Variants in CMSS1 observed in about 807,000 individuals in gnomAD.
CMSS1 encodes cms1 ribosomal small subunit homolog.
CMSS1 carries 33 observed loss-of-function variants against 43.5 expected under a neutral mutation model. The observed-to-expected ratio is 0.76, with a 90% CI of 0.57 to 1.01. The LOEUF (loss-of-function observed/expected upper bound fraction) is 1.01, where lower values mean the gene tolerates loss of function less well. Among genes scored for constraint, CMSS1 ranks in the 50% least tolerant of loss-of-function variants. CMSS1 has a pLI of 0.00. For synonymous variants in CMSS1, 115 were observed against 117.2 expected (o/e 0.98, Z 0.12); for missense variants, 313 against 326.4 (o/e 0.96, Z 0.32).
At chr3:100,170,080 A>G (rs368615955) in intron 6 of CMSS1, among the ~76,000 whole-genome samples, 1 of 152,324 alleles carries the variant, frequency 6.6e-6, no homozygotes. Flanking sequence ...TAATAATTCT[A>G]ACTTTTATAA....
intron 1 of CMSS1, among the ~76,000 whole-genome samples, chr3:99,879,779 CTG>C (rs748486395): frequency 1.3e-5 from 2 of 152,158 alleles, no homozygotes; most frequent in Non-Finnish European, 2.9e-5. Context: ...TATGGAAACA[CTG>C]TCATGTACAA....
intron 1 of CMSS1, among the ~76,000 whole-genome samples, chr3:99,873,842 C>T (rs1244986025): frequency 6.6e-6 from 1 of 152,150 alleles, no homozygotes; most frequent in Non-Finnish European, 1.5e-5. Flanking sequence ...ACAAAAATAC[C>T]AGGGCTTAAC....
intron 1 of CMSS1, among the ~76,000 whole-genome samples, chr3:99,859,877 G>C (rs1011437124): frequency 1.3e-5 from 2 of 152,134 alleles, no homozygotes; most frequent in African/African-American, 4.8e-5. Flanking sequence ...CATAAAAATA[G>C]CTGTGACCCG....
In CMSS1 at chr3:99,848,444, C is replaced by T. The variant is rs763895478; in HGVS notation, c.64+30401C>T. On this transcript the variant is annotated intron_variant, in intron 1 of 9. Coordinates refer to ENST00000421999, the MANE Select transcript of CMSS1 (RefSeq NM_032359.4). ...GGTGCTGAAGGGCTGGCAGGTCTCACAGGGCTGGCTACAGCTTGCATGTAA... is the reference window on the plus strand; with the variant it reads ...GGTGCTGAAGGGCTGGCAGGTCTCATAGGGCTGGCTACAGCTTGCATGTAA... 6.2e-7 allele frequency: 1 copy of T among 1,614,056 alleles called. No homozygotes were observed. The highest frequency in any genetic ancestry group is 8.5e-7 in the Non-Finnish European group (1 of 1,180,016).
intron 1 of CMSS1, among the ~76,000 whole-genome samples, chr3:99,918,195 C>G (rs1707013944): frequency 6.6e-6 from 1 of 152,068 alleles, no homozygotes; most frequent in Non-Finnish European, 1.5e-5. Flanking sequence ...CCAGGCTGGT[C>G]TCGAACCCTT....
Position 100,082,812 on chromosome 3 carries a change from A to G in CMSS1, c.65-64161A>G, listed in dbSNP as rs116008789. On this transcript the variant is annotated intron_variant, in intron 1 of 9. Transcript: ENST00000421999. ...CTGTTTTTCAGCATGGTAGTCATAG[A>G]CTTACCTTCGTTGACTTAAGACACC... 3.6e-3 allele frequency among the ~76,000 whole-genome samples: 549 copies of G among 152,278 alleles called. 2 individuals carry two copies. Among genetic ancestry groups the G allele is most frequent in the African/African-American group, 0.013 (535 of 41,548 alleles).
chr3:99,947,409 ACCATTCTCC>A (rs1349674631), intron 1 of CMSS1, among the ~76,000 whole-genome samples: 1 of 152,114 alleles, frequency 6.6e-6, no homozygotes, highest in African/African-American at 2.4e-5. Context: ...TATTTATGTA[ACCATTCTCC>A]TATTATTGGA....
intron 1 of CMSS1, among the ~76,000 whole-genome samples, chr3:99,927,750 A>G (rs1026052602): frequency 3.9e-5 from 6 of 152,316 alleles, no homozygotes; most frequent in South Asian, 4.2e-4. Flanking sequence ...GTTCTGATAT[A>G]GAACCCTAGG....
intron 1 of CMSS1, among the ~76,000 whole-genome samples, chr3:99,869,695 CT>C (rs1944694195): frequency 6.6e-6 from 1 of 152,202 alleles, no homozygotes; most frequent in Non-Finnish European, 1.5e-5. Context: ...ACACTTAAGT[CT>C]TGCGAGCCCA....
chr3:100,038,809 A>G (rs932355707), intron 1 of CMSS1, among the ~76,000 whole-genome samples: 1 of 152,108 alleles, frequency 6.6e-6, no homozygotes, highest in Non-Finnish European at 1.5e-5. Flanking sequence ...GCTGCTCCTT[A>G]TGTACTGATA....
chr3:100,004,278 A>C (rs1355849585), intron 1 of CMSS1, among the ~76,000 whole-genome samples: 1 of 152,208 alleles, frequency 6.6e-6, no homozygotes, highest in African/African-American at 2.4e-5. Flanking sequence ...ATTTTTCTTT[A>C]GAGTGAACTG....
intron 1 of CMSS1, among the ~76,000 whole-genome samples, chr3:99,961,695 T>A (rs1708496116): frequency 6.6e-6 from 1 of 152,178 alleles, no homozygotes; most frequent in Non-Finnish European, 1.5e-5. Flanking sequence ...TATAAGTGAT[T>A]TAGTCTAAAA....
chr3:99,896,810 A>G (rs1355450080), intron 1 of CMSS1, among the ~76,000 whole-genome samples: 1 of 152,216 alleles, frequency 6.6e-6, no homozygotes, highest in Non-Finnish European at 1.5e-5. Flanking sequence ...ATTCATAAGC[A>G]ATGTTGCCTA....
intron 2 of CMSS1, among the ~76,000 whole-genome samples, chr3:100,155,799 T>C (rs1014771147): frequency 1.1e-4 from 16 of 152,254 alleles, no homozygotes; most frequent in African/African-American, 3.9e-4. Flanking sequence ...ATAAACTTTA[T>C]TCATAATTTT....
intron 1 of CMSS1, among the ~76,000 whole-genome samples, chr3:99,984,060 T>TGTGTGTGTGTGTGTGTG (rs1559714079): frequency 8.0e-5 from 2 of 24,976 alleles, no homozygotes; most frequent in Non-Finnish European, 8.5e-5. Flanking sequence ...GTATGTGTGT[T>TGTGTGTGTGTGTGTGTG]TGTGTGTGTG....
At chr3:100,056,738 G>A (rs913919005) in intron 1 of CMSS1, among the ~76,000 whole-genome samples, 10 of 151,090 alleles carry the variant, frequency 6.6e-5, no homozygotes, top group South Asian at 4.2e-4. Context: ...GGTGGCTCAC[G>A]CCTGTAATCC....
intron 1 of CMSS1, among the ~76,000 whole-genome samples, chr3:100,091,081 C>T (rs553374099): frequency 2.0e-5 from 3 of 152,112 alleles, no homozygotes; most frequent in African/African-American, 7.2e-5. Flanking sequence ...ATCAGGAGAT[C>T]GAGACCATCC....
intron 1 of CMSS1, among the ~76,000 whole-genome samples, chr3:100,006,879 T>C (rs368784546): frequency 6.6e-6 from 1 of 152,236 alleles, no homozygotes; most frequent in South Asian, 2.1e-4. Flanking sequence ...CTGCAAGCTT[T>C]TAAAATTGAA....
intron 1 of CMSS1, among the ~76,000 whole-genome samples, chr3:100,138,959 T>C (rs2066779001): frequency 6.6e-6 from 1 of 152,134 alleles, no homozygotes; most frequent in Admixed American, 6.5e-5. Context: ...CCATTGATGA[T>C]AGACTGGATG....
Sources: gnomAD v4.1 joint callset for allele counts (sites outside exome capture counted in the v4.1 genomes callset) on GRCh38, gnomAD v4.1.1 for gene constraint, MANE v1.5 for transcripts, NCBI Gene and HGNC (gene_info 2026-07-23, HGNC 2026-07-21) for gene names.